The following LANCL3 variants were observed in gnomAD, a reference collection of about 807,000 sequenced individuals.
The protein encoded by LANCL3 is lanC-like protein 3.
Under a neutral mutation model 26.5 loss-of-function variants are expected in LANCL3, and 19 were observed. The observed-to-expected ratio is 0.72, with a 90% CI of 0.50 to 1.05. LANCL3 has a LOEUF of 1.05. LANCL3 is among the 50% of genes least tolerant of loss of function. The probability of loss-of-function intolerance (pLI) is 0.00; values close to 1 mark genes in which losing one functional copy is unlikely to be tolerated. For synonymous variants in LANCL3, 160 were observed against 166.6 expected, an observed-to-expected ratio of 0.96 and a Z score of 0.30; for missense variants, 318 against 362.7, an observed-to-expected ratio of 0.88 and a Z score of 1.00.
rs182325742 is a variant in LANCL3, at chrX:37,682,882, A to G, written c.*7069A>G. ...GAATCTGTTAAGGAAGGACGGCCCA[A>G]TCTTTGAAAAGGTACAGCTTTCTCA... is the stretch of plus-strand genomic sequence containing the variant. On this transcript the variant is annotated 3_prime_UTR_variant, in exon 5 of 5. Transcript: ENST00000378619. 13 of 112,129 alleles carry G rather than the reference A, an allele frequency of 1.2e-4. No individual in the cohort carries two copies. The East Asian group carries it at 3.6e-3, about 31-fold the overall frequency. 9.2% of individuals were successfully genotyped at this position (112,129 alleles called of 1,213,427 possible).
chrX:37,600,825 G>A (rs192004870), intron 1 of LANCL3, among the ~76,000 whole-genome samples: 81 of 111,427 alleles, frequency 7.3e-4, no homozygotes, highest in South Asian at 2.3e-3. Flanking sequence ...GACAGGATGC[G>A]AAACACTTTT....
At chrX:37,587,211 G>T (rs1480523833) in intron 1 of LANCL3, among the ~76,000 whole-genome samples, 6 of 112,672 alleles carry the variant, frequency 5.3e-5, no homozygotes, top group African/African-American at 1.9e-4. Flanking sequence ...CCCCTACTAG[G>T]GGGTGCCTCC....
At position 37,678,507 on chromosome X, in the gene LANCL3, A is replaced by G. The variant is rs1157035747; in HGVS notation, c.*2694A>G. ...TGGAAATGTTTGAGGATACATTGAA[A>G]TAGTCTCTCAATAATGGGGAGACTG... On this transcript the variant is annotated 3_prime_UTR_variant, in exon 5 of 5. Coordinates refer to ENST00000378619, the MANE Select transcript of LANCL3 (RefSeq NM_001170331.2). The G allele has an allele frequency of 4.5e-5, 5 of 112,063 alleles. No individual in the cohort carries two copies. The highest frequency in any genetic ancestry group is 2.8e-4 in the Admixed American group (3 of 10,590). The allele number at this position is 112,063 out of a possible 1,213,427, so 9.2% of individuals were successfully genotyped here.
chrX:37,580,380 A>G (rs1455398489), intron 1 of LANCL3, among the ~76,000 whole-genome samples: 7 of 111,930 alleles, frequency 6.3e-5, no homozygotes, highest in Non-Finnish European at 9.4e-5. Context: ...ACTTTTCAAA[A>G]TGTACCTAAG....
Position 37,610,670 on chromosome X carries a change from C to T in LANCL3, c.573+38227C>T, listed in dbSNP as rs965971007. ...GAGGCCAATTTTGGCCACTTATAAA[C>T]ACTTCAGGTCACAGAGCTGAGAAGG... On this transcript the variant is annotated intron_variant, in intron 1 of 4. Transcript: ENST00000378619. 2.8e-4 allele frequency among the ~76,000 whole-genome samples: 31 copies of T among 111,532 alleles called. No homozygotes were observed. In the Middle Eastern group the frequency reaches 0.019, roughly 67 times the overall value.
In LANCL3 at chrX:37,667,489, G is replaced by C; in HGVS notation, c.1103G>C (p.Arg368Thr). Residue 368 changes from arginine (R) to threonine (T), a missense_variant and splice_region_variant, in exon 4 of 5, where the codon AGG (arginine) becomes ACG (threonine). By Grantham distance (71) the Arg-to-Thr change is moderately conservative. Coordinates refer to ENST00000378619, the MANE Select transcript of LANCL3 (RefSeq NM_001170331.2). ...GNSKYIYRAQ[R>T]FAQFLFTEEF... Reference sequence around the variant, plus strand: ...TCTAAATACATCTACCGAGCTCAAAGGTCAGCTGTTCTTTATGGGTCTTTT... The same window carrying C: ...TCTAAATACATCTACCGAGCTCAAACGTCAGCTGTTCTTTATGGGTCTTTT... The C allele has an allele frequency of 8.9e-7, 1 of 1,120,180 alleles. No individual in the cohort carries two copies. Among genetic ancestry groups the C allele is most frequent in the Non-Finnish European group, 1.2e-6 (1 of 854,319 alleles). 92.3% of individuals were successfully genotyped at this position (1,120,180 alleles called of 1,213,427 possible).
intron 1 of LANCL3, among the ~76,000 whole-genome samples, chrX:37,634,129 G>A (rs1026068833): frequency 1.8e-5 from 2 of 112,641 alleles, no homozygotes; most frequent in Non-Finnish European, 3.8e-5. Context: ...AAGCAAGCCT[G>A]GGCAATGGCG....
rs1467027155 is a variant in LANCL3 at position 37,601,603 on chromosome X, G to A, written c.573+29160G>A. Among the ~76,000 whole-genome samples, 7 of 111,839 alleles carry A rather than the reference G, an allele frequency of 6.3e-5. No homozygotes were observed. In the East Asian group the frequency reaches 2.0e-3, roughly 31 times the overall value. On this transcript the variant is annotated intron_variant, in intron 1 of 4. Transcript: ENST00000378619. ...TAATACATAAAAAAGTCTGGAAGTTGGTGGCTGCTAGCAAATGAGTTCAAT... is the reference window on the plus strand; with the variant it reads ...TAATACATAAAAAAGTCTGGAAGTTAGTGGCTGCTAGCAAATGAGTTCAAT...
intron 1 of LANCL3, among the ~76,000 whole-genome samples, chrX:37,613,142 C>T (rs1556421373): frequency 1.8e-5 from 2 of 110,275 alleles, no homozygotes; most frequent in South Asian, 7.8e-4. Context: ...CAACTCCACA[C>T]ACAAACTCTG....
chrX:37,627,890 C>T (rs1925362215), intron 1 of LANCL3, among the ~76,000 whole-genome samples: 1 of 111,750 alleles, frequency 8.9e-6, no homozygotes, highest in African/African-American at 3.3e-5. Context: ...CTCATGGACC[C>T]TGACCTCTTG....
chrX:37,574,070 A>C (rs1455647492), intron 1 of LANCL3, among the ~76,000 whole-genome samples: 3 of 107,062 alleles, frequency 2.8e-5, no homozygotes, highest in Non-Finnish European at 5.8e-5. Context: ...AAAAAAAAAA[A>C]AAAAACCCAC....
intron 1 of LANCL3, among the ~76,000 whole-genome samples, chrX:37,628,148 A>G (rs2146750982): frequency 8.9e-6 from 1 of 111,740 alleles, no homozygotes; most frequent in South Asian, 3.8e-4. Flanking sequence ...TCAACTTGAA[A>G]TAACATAATT....
intron 1 of LANCL3, among the ~76,000 whole-genome samples, chrX:37,585,933 A>G (rs1359436872): frequency 2.7e-5 from 3 of 111,612 alleles, no homozygotes; most frequent in African/African-American, 9.8e-5. Context: ...AGTGGCTGGT[A>G]CCGGTTGTTC....
rs139828881 is a variant in LANCL3 at position 37,646,867 on chromosome X, G to A, written c.574-8821G>A. On this transcript the variant is annotated intron_variant, in intron 1 of 4. Coordinates refer to ENST00000378619, the MANE Select transcript of LANCL3 (RefSeq NM_001170331.2). Reference sequence around the variant, plus strand: ...GCTTGGCATGATGGGATGGAGGTAGGAAAGCAGGAACACCACACTCACACT... The same window carrying A: ...GCTTGGCATGATGGGATGGAGGTAGAAAAGCAGGAACACCACACTCACACT... Among the ~76,000 whole-genome samples the A allele has an allele frequency of 2.6e-3, 289 of 111,859 alleles. 3 individuals are homozygous for A. The highest frequency in any genetic ancestry group is 9.0e-3 in the African/African-American group (277 of 30,780).
intron 1 of LANCL3, among the ~76,000 whole-genome samples, chrX:37,578,629 CT>C (rs1322403764): frequency 8.9e-6 from 1 of 111,890 alleles, no homozygotes; most frequent in Admixed American, 9.5e-5. Flanking sequence ...CCTACCTTTT[CT>C]TAAAAATTAT....
intron 1 of LANCL3, among the ~76,000 whole-genome samples, chrX:37,596,462 C>T (rs919539704): frequency 8.9e-5 from 10 of 112,108 alleles, no homozygotes; most frequent in East Asian, 5.6e-4. Flanking sequence ...GAACCAAATG[C>T]GAATCAAAGG....
chrX:37,679,016 A>T lies in LANCL3; in HGVS notation c.*3203A>T, dbSNP rs1173038581. 8.9e-6 allele frequency: 1 copy of T among 111,736 alleles called. No individual in the cohort carries two copies. The highest frequency in any genetic ancestry group is 1.9e-5 in the Non-Finnish European group (1 of 53,093). 9.2% of individuals were successfully genotyped at this position (111,736 alleles called of 1,213,427 possible). ...AAATGAACACACAATTAAAAGGAAA[A>T]CCATTAGTGGTGCAAAGAGCCCTGT... On this transcript the variant is annotated 3_prime_UTR_variant, in exon 5 of 5. Transcript: ENST00000378619.
In LANCL3 at chrX:37,571,795, C is replaced by A. The variant is rs377644457; in HGVS notation, c.-76C>A. ...CCGGCATCCGAGTGCCTCAGAGAGCCGGAGGTGGTGTGCGGGGCTGCAGGG... is the reference window on the plus strand; with the variant it reads ...CCGGCATCCGAGTGCCTCAGAGAGCAGGAGGTGGTGTGCGGGGCTGCAGGG... On this transcript the variant is annotated 5_prime_UTR_variant, in exon 1 of 5. Transcript: ENST00000378619. 287 of 905,428 alleles carry A rather than the reference C, an allele frequency of 3.2e-4. 1 individual carries two copies. The African/African-American group carries it at 5.3e-3, about 17-fold the overall frequency. 74.6% of individuals were successfully genotyped at this position (905,428 alleles called of 1,213,427 possible). A position where few individuals can be genotyped will look rare whatever the true frequency, so the allele number is the denominator to read the frequency against.
At chrX:37,634,836 A>G (rs782660368) in intron 1 of LANCL3, among the ~76,000 whole-genome samples, 2 of 111,561 alleles carry the variant, frequency 1.8e-5, no homozygotes, top group African/African-American at 6.5e-5. Flanking sequence ...TTACTCCAAA[A>G]CACCTTTCCT....
Sources: gnomAD v4.1 joint callset for allele counts (sites outside exome capture counted in the v4.1 genomes callset) on GRCh38, gnomAD v4.1.1 for gene constraint, MANE v1.5 for transcripts, NCBI Gene and HGNC (gene_info 2026-07-23, HGNC 2026-07-21) for gene names.